The following CEP85L variants were observed in gnomAD, a reference collection of about 807,000 sequenced individuals.
The protein encoded by CEP85L is centrosomal protein of 85 kDa-like.
In CEP85L, 60 loss-of-function variants were observed where a neutral mutation model predicts 100.3. That is an observed-to-expected ratio of 0.60 (90% CI 0.49 to 0.74). The LOEUF is 0.74. Ranked by LOEUF, CEP85L falls within the 30% of genes least tolerant of loss-of-function variation. The pLI is 0.00. For synonymous variants in CEP85L, 319 were observed against 322.7 expected, an observed-to-expected ratio of 0.99 and a Z score of 0.12; for missense variants, 973 against 936.2, an observed-to-expected ratio of 1.04 and a Z score of -0.51.
intron 2 of CEP85L, among the ~76,000 whole-genome samples, chr6:118,599,509 T>C (rs1781615580): frequency 6.6e-6 from 1 of 152,208 alleles, no homozygotes; most frequent in African/African-American, 2.4e-5. Flanking sequence ...AAATCATATA[T>C]ATAAGTATTT....
At chr6:118,680,875 CAA>C (rs35690474) in intron 1 of CEP85L, among the ~76,000 whole-genome samples, 1 of 147,048 alleles carries the variant, frequency 6.8e-6, no homozygotes, top group Admixed American at 6.8e-5. Context: ...GACCTTGTGT[CAA>C]AAAAAAAAAG....
chr6:118,507,625 C>T (rs928377859), intron 5 of CEP85L, among the ~76,000 whole-genome samples: 1 of 152,200 alleles, frequency 6.6e-6, no homozygotes, highest in Admixed American at 6.5e-5. Context: ...CTTTCTCTCA[C>T]ATTACATTTC....
chr6:118,683,496 A>G (rs1776733863), intron 1 of CEP85L, among the ~76,000 whole-genome samples: 1 of 152,194 alleles, frequency 6.6e-6, no homozygotes, highest in South Asian at 2.1e-4. Context: ...GGCAAACTAC[A>G]ACGAATCTTC....
At chr6:118,655,350 A>G (rs1380345256), upstream of CEP85L, among the ~76,000 whole-genome samples, 1 of 152,214 alleles carries the variant, frequency 6.6e-6, no homozygotes. Context: ...TGTGGGAGGG[A>G]TAGAATTCTG....
chr6:118,467,349 A>C (rs1166010077), intron 12 of CEP85L, among the ~76,000 whole-genome samples: 1 of 152,182 alleles, frequency 6.6e-6, no homozygotes, highest in Non-Finnish European at 1.5e-5. Context: ...CCAATAATTA[A>C]GTGGCAGAGA....
chr6:118,688,089 G>T (rs1376962504), intron 1 of CEP85L, among the ~76,000 whole-genome samples: 2 of 152,052 alleles, frequency 1.3e-5, no homozygotes, highest in East Asian at 1.9e-4. Context: ...GCGGCCCGTC[G>T]CCATCTTGGA....
At position 118,651,256 on chromosome 6, in the gene CEP85L, A is replaced by G; in HGVS notation, c.14T>C (p.Phe5Ser). 3 of 1,491,636 alleles carry G rather than the reference A, an allele frequency of 2.0e-6. No individual in the cohort carries two copies. The highest frequency in any genetic ancestry group is 2.9e-5 in the East Asian group (1 of 34,906). 92.4% of individuals were successfully genotyped at this position (1,491,636 alleles called of 1,614,324 possible). A position where few individuals can be genotyped will look rare whatever the true frequency, so the allele number is the denominator to read the frequency against. The change falls in exon 1 of 13, where the codon TTC becomes TCC. Residue 5 changes from phenylalanine (F) to serine (S), a missense_variant. Around this residue, in one of 3 missense-constraint regions of CEP85L, gnomAD observed 79 missense variants for 73.3 expected, o/e 1.08. Coordinates refer to ENST00000368491, the MANE Select transcript of CEP85L (RefSeq NM_001042475.3). MWGR[F>S]LAPEASGRDS... is the part of the protein sequence containing the mutation. The stretch of plus-strand genomic sequence containing the variant: ...CCGGCCGCTGGCCTCCGGAGCCAGG[A>G]AGCGCCCCCACATCGCGGGCGAGAG...
chr6:118,664,039 G>A (rs970485238), intron 1 of CEP85L, among the ~76,000 whole-genome samples: 2 of 151,510 alleles, frequency 1.3e-5, no homozygotes, highest in Non-Finnish European at 2.9e-5. Context: ...GAGATTACAG[G>A]AACGCACCAC....
upstream of CEP85L, among the ~76,000 whole-genome samples, chr6:118,653,623 G>A (rs188825621): frequency 6.6e-6 from 1 of 152,262 alleles, no homozygotes. Flanking sequence ...TTGTTTTGTT[G>A]TGACAGTGTG....
At chr6:118,480,332 G>A (rs1773684386) in intron 9 of CEP85L, 64 bp downstream of exon 9, 1 of 739,516 alleles carries the variant, frequency 1.4e-6, no homozygotes, top group Non-Finnish European at 2.2e-6. Context: ...TATAAATTAT[G>A]TATCTATACA....
chr6:118,499,855 T>C (rs1775163009), intron 5 of CEP85L, among the ~76,000 whole-genome samples: 1 of 152,024 alleles, frequency 6.6e-6, no homozygotes, highest in South Asian at 2.1e-4. Context: ...TCACTACTGC[T>C]TTTCAACATC....
At chr6:118,544,704 T>C (rs575521653) in intron 3 of CEP85L, among the ~76,000 whole-genome samples, 105 of 152,174 alleles carry the variant, frequency 6.9e-4, no homozygotes, top group Non-Finnish European at 1.3e-3. Flanking sequence ...AATAAAATGT[T>C]TGGGTCTCCA....
chr6:118,690,545 A>G (rs1294846319), intron 1 of CEP85L, among the ~76,000 whole-genome samples: 2 of 152,220 alleles, frequency 1.3e-5, no homozygotes, highest in Admixed American at 6.5e-5. Context: ...AGGGAGCCAC[A>G]CTGGCCCAAC....
At chr6:118,640,836 A>G (rs1463694075) in intron 1 of CEP85L, among the ~76,000 whole-genome samples, 3 of 152,170 alleles carry the variant, frequency 2.0e-5, no homozygotes, top group Admixed American at 2.0e-4. Flanking sequence ...GCCTGTAAAT[A>G]TATTTTTGAA....
intron 1 of CEP85L, among the ~76,000 whole-genome samples, chr6:118,659,227 T>C (rs981656578): frequency 1.3e-5 from 2 of 152,182 alleles, no homozygotes; most frequent in Non-Finnish European, 2.9e-5. Context: ...ATGAGATGAA[T>C]TACTGATGAA....
intron 4 of CEP85L, among the ~76,000 whole-genome samples, chr6:118,522,255 G>A (rs768253014): frequency 2.0e-5 from 3 of 152,166 alleles, no homozygotes; most frequent in African/African-American, 4.8e-5. Context: ...AGCTACTTGG[G>A]AGGCTGAGGC....
rs961716842 is a variant in CEP85L at position 118,581,699 on chromosome 6, G to T, written c.233-15383C>A. Among the ~76,000 whole-genome samples the T allele has an allele frequency of 3.1e-4, 47 of 152,054 alleles. 1 individual carries two copies. The highest frequency in any genetic ancestry group is 4.4e-4 in the Non-Finnish European group (30 of 67,986). On this transcript the variant is annotated intron_variant, in intron 2 of 12. Transcript: ENST00000368491. ...TACACCAAAAGGAAGGAGACTAAAA[G>T]GACACTTTTATTCTCACTTCTCTTT...
intron 2 of CEP85L, among the ~76,000 whole-genome samples, chr6:118,628,626 C>T (rs1583192836): frequency 1.5e-5 from 2 of 135,294 alleles, no homozygotes; most frequent in East Asian, 4.0e-4. Flanking sequence ...CAGAGCAAGA[C>T]TCCATCCAAA....
intron 3 of CEP85L, among the ~76,000 whole-genome samples, chr6:118,547,299 C>G (rs146602126): frequency 6.6e-6 from 1 of 152,056 alleles, no homozygotes; most frequent in Admixed American, 6.6e-5. Flanking sequence ...ATAAACTGTT[C>G]TAGGAAGTTC....
Sources: gnomAD v4.1 joint callset for allele counts (sites outside exome capture counted in the v4.1 genomes callset) on GRCh38, gnomAD v4.1.1 for gene constraint, gnomAD v4.1.1 regional missense constraint, MANE v1.5 for transcripts, NCBI Gene and HGNC (gene_info 2026-07-23, HGNC 2026-07-21) for gene names.